The following LDHA variants were observed in gnomAD, a reference collection of about 807,000 sequenced individuals.
The protein encoded by LDHA is L-lactate dehydrogenase A chain.
Under a neutral mutation model 36.3 loss-of-function variants are expected in LDHA, and 10 were observed. The ratio of observed to expected loss-of-function variants is 0.28; its 90% CI spans 0.17 to 0.47. The LOEUF is 0.47. Among genes scored for constraint, LDHA ranks in the 20% least tolerant of loss-of-function variants. The pLI is 0.99. For missense variants in LDHA, 267 were observed against 405.8 expected, an observed-to-expected ratio of 0.66 and a Z score of 2.94; for synonymous variants, 110 against 136.7, an observed-to-expected ratio of 0.80 and a Z score of 1.36.
At chr11:18,407,091 T>TTTTC (rs2134035983) in intron 7 of LDHA, 26 bp from the exon 8 acceptor site, 1 of 1,352,160 alleles carries the variant, frequency 7.4e-7, no homozygotes, top group South Asian at 1.3e-5. Context: ...AAATGTGAGA[T>TTTTC]TTTTTTTTTT....
rs972944058 is a variant in LDHA, at chr11:18,403,955, G to T, written c.710+144G>T. ...TTTTTGTTTTGTTTTGTTTGAGACA[G>T]AATCTTGCCCTTTCGCACAGGCTGC... On this transcript the variant is annotated intron_variant, in intron 6 of 7. Coordinates refer to ENST00000422447, the MANE Select transcript of LDHA (RefSeq NM_005566.4). 1.2e-5 allele frequency: 8 copies of T among 668,982 alleles called. No homozygotes were observed. The Admixed American group carries it at 1.7e-4, about 14-fold the overall frequency. The allele number at this position is 668,982 out of a possible 1,614,324, so 41.4% of individuals were successfully genotyped here. A position where few individuals can be genotyped will look rare whatever the true frequency, so the allele number is the denominator to read the frequency against.
chr11:18,396,330 T>G, intron 1 of LDHA: 1 of 393,730 alleles, frequency 2.5e-6, no homozygotes, highest in Non-Finnish European at 4.5e-6. Flanking sequence ...CCGCCCACCT[T>G]TCCGAGCGGG....
At chr11:18,397,430 A>C (rs1250845736) in intron 2 of LDHA, 1 of 154,104 alleles carries the variant, frequency 6.5e-6, no homozygotes, top group African/African-American at 2.4e-5. Context: ...AAATTTAATT[A>C]GAAAAAAGAA....
chr11:18,404,736 A>G (rs1590216200), intron 6 of LDHA, among the ~76,000 whole-genome samples: 2 of 147,446 alleles, frequency 1.4e-5, no homozygotes, highest in East Asian at 4.1e-4. Flanking sequence ...TGAACCCGGT[A>G]GTTGGAGCTT....
intron 6 of LDHA, among the ~76,000 whole-genome samples, chr11:18,404,669 G>A (rs1280295530): frequency 1.3e-5 from 2 of 151,644 alleles, no homozygotes; most frequent in Admixed American, 6.6e-5. Context: ...TTAGCCGGGC[G>A]TGGTGGCAGG....
At chr11:18,397,808 CA>C (rs897976532) in intron 2 of LDHA, among the ~76,000 whole-genome samples, 28 of 143,770 alleles carry the variant, frequency 1.9e-4, no homozygotes, top group Admixed American at 2.8e-4. Context: ...GACTCCATCT[CA>C]AAAAAAAAAA....
chr11:18,402,360 G>T (rs1474867573), intron 4 of LDHA, among the ~76,000 whole-genome samples: 2 of 152,032 alleles, frequency 1.3e-5, no homozygotes, highest in Non-Finnish European at 2.9e-5. Context: ...GAGGGCAATG[G>T]GATGATCATG....
chr11:18,402,147 G>A (rs1866532332), intron 4 of LDHA, among the ~76,000 whole-genome samples: 1 of 151,316 alleles, frequency 6.6e-6, no homozygotes, highest in African/African-American at 2.4e-5. Context: ...GTAGAAAGGG[G>A]TTTCACCATG....
intron 4 of LDHA, 95 bp from the exon 5 acceptor site, chr11:18,402,745 T>C: frequency 2.2e-6 from 2 of 926,424 alleles, no homozygotes; most frequent in Non-Finnish European, 3.6e-6. Flanking sequence ...AATGATCACC[T>C]AGTATCTGGT....
In LDHA at chr11:18,408,273, C is replaced by G. The variant is rs1312262032; in HGVS notation, c.*992C>G. ...CTTTGGGAAGCCCAGGTGGGCTGAT[C>G]ACTGGAGGCCAGGAATTGGGGACCA... is the stretch of plus-strand genomic sequence containing the variant. On this transcript the variant is annotated 3_prime_UTR_variant, in exon 8 of 8. Coordinates refer to ENST00000422447, the MANE Select transcript of LDHA (RefSeq NM_005566.4). The G allele has an allele frequency of 4.5e-6, 2 of 443,228 alleles. No homozygotes were observed. Among genetic ancestry groups the G allele is most frequent in the East Asian group, 7.0e-5 (1 of 14,286 alleles). The allele number at this position is 443,228 out of a possible 1,614,324, so 27.5% of individuals were successfully genotyped here. A position where few individuals can be genotyped will look rare whatever the true frequency, so the allele number is the denominator to read the frequency against.
At position 18,396,957 on chromosome 11, in the gene LDHA, A is replaced by G. The variant is rs2134017819; in HGVS notation, c.115A>G (p.Ile39Val). 1 of 1,614,176 alleles carries G rather than the reference A, an allele frequency of 6.2e-7. No homozygotes were observed. The change falls in exon 2 of 8, where the codon ATC (isoleucine) becomes GTC (valine). Residue 39 changes from isoleucine to valine, a missense_variant. Ile to Val is a conservative substitution (Grantham distance 29, BLOSUM62 3). Coordinates refer to ENST00000422447, the MANE Select transcript of LDHA (RefSeq NM_005566.4). ...GAVGMACAIS[I>V]LMKDLADELA... is the part of the protein sequence containing the mutation. The stretch of plus-strand genomic sequence containing the variant: ...TGTTGGCATGGCCTGTGCCATCAGT[A>G]TCTTAATGAAGGTAAGTGAGAGTCT...
chr11:18,398,918 C>G (rs1283766847), intron 2 of LDHA: 1 of 176,404 alleles, frequency 5.7e-6, no homozygotes, highest in African/African-American at 2.4e-5. Flanking sequence ...CTGGCCTGGC[C>G]AGGCTGTCTT....
intron 1 of LDHA, 159 bp downstream of exon 1, chr11:18,394,795 G>C (rs2134014300): frequency 2.6e-6 from 1 of 382,626 alleles, no homozygotes; most frequent in East Asian, 7.3e-5. Flanking sequence ...CTGGGCGGCG[G>C]CCCACACAAC....
chr11:18,396,564 G>A (rs978565281), intron 1 of LDHA: 12 of 1,365,190 alleles, frequency 8.8e-6, no homozygotes, highest in African/African-American at 7.4e-5. Context: ...GAACCCTCAG[G>A]AGGCTATACT....
Position 18,396,803 on chromosome 11 carries a change from G to A in LDHA, c.-24-16G>A, listed in dbSNP as rs557212102. ...TAAAGAAGCTGTAGTGACACTAAAT[G>A]TTTTTCCTCCTATAGATTCCTTTTG... On this transcript the variant is annotated splice_polypyrimidine_tract_variant and intron_variant, in intron 1 of 7. Transcript: ENST00000422447. 5.7e-6 allele frequency: 9 copies of A among 1,583,476 alleles called. No individual in the cohort carries two copies. In the African/African-American group the frequency reaches 8.2e-5, roughly 14 times the overall value.
chr11:18,399,329 T>G lies in LDHA; in HGVS notation c.127-102T>G, dbSNP rs10832928. 88,046 of 837,170 alleles carry G rather than the reference T, an allele frequency of 0.11. 6,017 individuals are homozygous for G. Among genetic ancestry groups the G allele is most frequent in the African/African-American group, 0.26 (15,398 of 59,420 alleles). 51.9% of individuals were successfully genotyped at this position (837,170 alleles called of 1,614,324 possible). The stretch of plus-strand genomic sequence containing the variant: ...ATATCTCGATACTGTACTAATAAAG[T>G]AACAGAACTCTCCTATGCCAGAAAT... On this transcript the variant is annotated intron_variant, in intron 2 of 7. Transcript: ENST00000422447.
intron 3 of LDHA, chr11:18,400,429 CCACACACA>C (rs6144241): frequency 0.012 from 3,423 of 287,222 alleles, 39 homozygotes; most frequent in East Asian, 0.037. Context: ...ACCACCACCA[CCACACACA>C]CACACACACA....
At chr11:18,404,436 A>G (rs935941746) in intron 6 of LDHA, among the ~76,000 whole-genome samples, 2 of 151,788 alleles carry the variant, frequency 1.3e-5, no homozygotes, top group East Asian at 1.9e-4. Context: ...AAAAAAAATT[A>G]TTGAAATAGG....
Position 18,394,774 on chromosome 11 carries a change from C to T in LDHA, c.-25+138C>T, listed in dbSNP as rs1163364536. On this transcript the variant is annotated intron_variant, in intron 1 of 7. Transcript: ENST00000422447. ...TAGGAGCCGCTTTCCAGAAGCACAG[C>T]CCAGAGACGTCTGGGCGGCGGCCCA... The T allele has an allele frequency of 7.4e-6, 3 of 406,466 alleles. No homozygotes were observed. The Admixed American group carries it at 8.3e-5, about 11-fold the overall frequency. The allele number at this position is 406,466 out of a possible 1,614,324, so 25.2% of individuals were successfully genotyped here.
Sources: allele counts gnomAD v4.1 joint callset (sites outside exome capture counted in the v4.1 genomes callset), GRCh38; gene constraint gnomAD v4.1.1; transcripts MANE v1.5; gene names NCBI Gene and HGNC (gene_info 2026-07-23, HGNC 2026-07-21).